TWF2: variants seen among roughly 807,000 people sequenced by gnomAD.
TWF2 encodes twinfilin actin binding protein 2.
In TWF2, 15 loss-of-function variants were observed where a neutral mutation model predicts 45.1. That is an observed-to-expected ratio of 0.33 (90% confidence interval 0.22 to 0.51). TWF2 has a LOEUF of 0.51. Ranked by LOEUF, TWF2 falls within the 20% of genes least tolerant of loss-of-function variation. TWF2 has a pLI of 0.97. For missense variants in TWF2, 423 were observed against 469.1 expected (o/e 0.90, Z 0.91); for synonymous variants, 177 against 195.8 (o/e 0.90, Z 0.80).
Position 52,229,628 on chromosome 3 carries a change from C to T in TWF2, c.882+33G>A, listed in dbSNP as rs577552085. 1.9e-6 allele frequency: 3 copies of T among 1,610,838 alleles called. No homozygotes were observed. In the African/African-American group the frequency reaches 4.0e-5, roughly 21 times the overall value. The stretch of plus-strand genomic sequence containing the variant: ...CACATGGAGATTGGAGTGATAGGGC[C>T]TGGGGAGGTGAGGCCCTGGGGAGGG... On this transcript the variant is annotated intron_variant, in intron 8 of 8. Coordinates refer to ENST00000305533, the MANE Select transcript of TWF2 (RefSeq NM_007284.4).
intron 6 of TWF2, among the ~76,000 whole-genome samples, chr3:52,230,460 CG>C (rs1699667570): frequency 6.6e-6 from 1 of 152,176 alleles, no homozygotes; most frequent in Admixed American, 6.5e-5. Context: ...AAGCGGCAGC[CG>C]GAACAGCCAG....
chr3:52,230,461 G>C (rs1360843814), intron 6 of TWF2, among the ~76,000 whole-genome samples: 1 of 152,202 alleles, frequency 6.6e-6, no homozygotes, highest in Non-Finnish European at 1.5e-5. Flanking sequence ...AGCGGCAGCC[G>C]GAACAGCCAG....
intron 1 of TWF2, among the ~76,000 whole-genome samples, chr3:52,236,305 A>G (rs963472672): frequency 1.7e-4 from 25 of 148,072 alleles, no homozygotes; most frequent in African/African-American, 6.0e-4. Flanking sequence ...CCGCCTCAGA[A>G]AAAAAAAAAA....
chr3:52,235,112 A>G lies in TWF2; in HGVS notation c.26-6T>C, dbSNP rs1699713449. Reference sequence around the variant, plus strand: ...TTCCTTCAGCTCTTCCGTGGCTATAAGAACAAGAAACATGGTGGGGGATGA... The same window carrying G: ...TTCCTTCAGCTCTTCCGTGGCTATAGGAACAAGAAACATGGTGGGGGATGA... On this transcript the variant is annotated splice_region_variant and splice_polypyrimidine_tract_variant and intron_variant, in intron 1 of 8. Transcript: ENST00000305533. 6.2e-7 allele frequency: 1 copy of G among 1,613,858 alleles called. No homozygotes were observed. Among genetic ancestry groups the G allele is most frequent in the Non-Finnish European group, 8.5e-7 (1 of 1,180,020 alleles).
intron 1 of TWF2, among the ~76,000 whole-genome samples, chr3:52,235,540 T>TCA (rs149768402): frequency 0.032 from 4,748 of 147,334 alleles, 163 homozygotes; most frequent in African/African-American, 0.087. Flanking sequence ...CTATGCCCAT[T>TCA]CACACACACA....
Position 52,231,163 on chromosome 3 carries a change from C to T in TWF2, c.447G>A (p.Ser149=), listed in dbSNP as rs572314842. The T allele has an allele frequency of 1.4e-5, 22 of 1,613,932 alleles. No homozygotes were observed. In the South Asian group the frequency reaches 1.9e-4, roughly 14 times the overall value. Residue 149 remains serine, a synonymous_variant, in exon 5 of 9, where the codon TCG becomes TCA. Coordinates refer to ENST00000305533, the MANE Select transcript of TWF2 (RefSeq NM_007284.4). ...GGATCTGCTGGAGCTCTCTCTCAGC[C>T]GAGGTCAGCGGGGCAGGTGCCGCAC... ...SSCAAPAPLT[S]AERELQQIRI...
intron 2 of TWF2, among the ~76,000 whole-genome samples, chr3:52,233,539 TC>T (rs1699698119): frequency 6.6e-6 from 1 of 152,242 alleles, no homozygotes; most frequent in Non-Finnish European, 1.5e-5. Context: ...TGGCTGCCCA[TC>T]GGGGGCCTGG....
In TWF2 at chr3:52,238,757, A is replaced by G. The variant is rs77079543; in HGVS notation, c.25+235T>C. Among the ~76,000 whole-genome samples, 744 of 152,348 alleles carry G rather than the reference A, an allele frequency of 4.9e-3. 3 individuals are homozygous for G. Among genetic ancestry groups the G allele is most frequent in the Middle Eastern group, 0.01 (3 of 294 alleles). ...CACACAGCCACATTCATCTCCAGGTAGGCACACAGATACTTCCACCCCAGT... is the reference window on the plus strand; with the variant it reads ...CACACAGCCACATTCATCTCCAGGTGGGCACACAGATACTTCCACCCCAGT... On this transcript the variant is annotated intron_variant, in intron 1 of 8. Coordinates refer to ENST00000305533, the MANE Select transcript of TWF2 (RefSeq NM_007284.4).
chr3:52,230,133 C>T, intron 6 of TWF2, 63 bp from the exon 7 acceptor site: 2 of 1,474,836 alleles, frequency 1.4e-6, no homozygotes, highest in Non-Finnish European at 1.8e-6. Context: ...CCCCTCTCCC[C>T]AGGAAGCCCT....
intron 2 of TWF2, among the ~76,000 whole-genome samples, chr3:52,233,315 C>T (rs1032122679): frequency 2.0e-5 from 3 of 152,256 alleles, no homozygotes; most frequent in Non-Finnish European, 4.4e-5. Flanking sequence ...TCGGCCTCCT[C>T]ACCTGCCCAC....
At chr3:52,234,033 G>T (rs1178259514) in intron 2 of TWF2, among the ~76,000 whole-genome samples, 1 of 151,882 alleles carries the variant, frequency 6.6e-6, no homozygotes, top group Non-Finnish European at 1.5e-5. Context: ...GCTGTGGCCT[G>T]CCACTCCAGG....
rs1699679886 is a variant in TWF2 at position 52,231,660 on chromosome 3, G to C, written c.283-121C>G. 3.4e-6 allele frequency: 4 copies of C among 1,186,082 alleles called. No homozygotes were observed. In the East Asian group the frequency reaches 9.8e-5, roughly 29 times the overall value. 73.5% of individuals were successfully genotyped at this position (1,186,082 alleles called of 1,614,324 possible). A position where few individuals can be genotyped will look rare whatever the true frequency, so the allele number is the denominator to read the frequency against. ...CGCTGGCACACCTGGCAGAGGGCCAGCCCGGGGCCAGGACGCAGCAGGTGG... is the reference window on the plus strand; with the variant it reads ...CGCTGGCACACCTGGCAGAGGGCCACCCCGGGGCCAGGACGCAGCAGGTGG... On this transcript the variant is annotated intron_variant, in intron 3 of 8. Transcript: ENST00000305533.
intron 3 of TWF2, among the ~76,000 whole-genome samples, 190 bp downstream of exon 3, chr3:52,231,754 A>G (rs1053016963): frequency 6.6e-6 from 1 of 152,168 alleles, no homozygotes; most frequent in Non-Finnish European, 1.5e-5. Flanking sequence ...ATGCCTGGAG[A>G]GCAAGAGGTA....
intron 8 of TWF2, among the ~76,000 whole-genome samples, 181 bp downstream of exon 8, chr3:52,229,480 C>T (rs1299028065): frequency 6.6e-6 from 1 of 152,228 alleles, no homozygotes; most frequent in African/African-American, 2.4e-5. Flanking sequence ...TTGGACTTTT[C>T]TGAGCCACCG....
chr3:52,229,689 T>G lies in TWF2; in HGVS notation c.854A>C (p.Gln285Pro). 1 of 1,613,496 alleles carries G rather than the reference T, an allele frequency of 6.2e-7. No homozygotes were observed. Among genetic ancestry groups the G allele is most frequent in the East Asian group, 2.2e-5 (1 of 44,888 alleles). Residue 285 changes from glutamine to proline, a missense_variant, in exon 8 of 9, where the codon CAG becomes CCG. By Grantham distance (76) the Gln-to-Pro change is moderately conservative. Coordinates refer to ENST00000305533, the MANE Select transcript of TWF2 (RefSeq NM_007284.4). ...CKSRLLDSVE[Q>P]DFHLEIAKKI... Reference sequence around the variant, plus strand: ...CTTGGCGATCTCCAGATGGAAGTCCTGCTCCACGGAGTCGAGGAGGCGGCT... The same window carrying G: ...CTTGGCGATCTCCAGATGGAAGTCCGGCTCCACGGAGTCGAGGAGGCGGCT...
chr3:52,229,748 G>A lies in TWF2; in HGVS notation c.795C>T (p.Ser265=). Reference sequence around the variant, plus strand: ...TGGAGTAGAGCATTCGCTCCTTGATGCTGCACTTGTACCCCGGCATGGAGT... The same window carrying A: ...TGGAGTAGAGCATTCGCTCCTTGATACTGCACTTGTACCCCGGCATGGAGT... ...FIYSMPGYKC[S]IKERMLYSSC... Residue 265 remains serine (S), a synonymous_variant, in exon 8 of 9, where the codon AGC becomes AGT. Coordinates refer to ENST00000305533, the MANE Select transcript of TWF2 (RefSeq NM_007284.4). 6.2e-7 allele frequency: 1 copy of A among 1,613,102 alleles called. No homozygotes were observed. The highest frequency in any genetic ancestry group is 8.5e-7 in the Non-Finnish European group (1 of 1,179,960).
Position 52,229,730 on chromosome 3 carries a change from G to A in TWF2, c.813C>T (p.Leu271=), listed in dbSNP as rs1699660287. 3 of 1,613,308 alleles carry A rather than the reference G, an allele frequency of 1.9e-6. No individual in the cohort carries two copies. Among genetic ancestry groups the A allele is most frequent in the Non-Finnish European group, 2.5e-6 (3 of 1,180,006 alleles). Residue 271 remains leucine, a synonymous_variant, in exon 8 of 9, where the codon CTC becomes CTT. Coordinates refer to ENST00000305533, the MANE Select transcript of TWF2 (RefSeq NM_007284.4). ...GYKCSIKERM[L]YSSCKSRLLD... is the part of the protein sequence containing the mutation. ...GGAGGCGGCTCTTGCAGCTGGAGTA[G>A]AGCATTCGCTCCTTGATGCTGCACT...
chr3:52,232,138 G>A lies in TWF2; in HGVS notation c.104-16C>T, dbSNP rs745820021. On this transcript the variant is annotated splice_polypyrimidine_tract_variant and intron_variant, in intron 2 of 8. Transcript: ENST00000305533. Reference sequence around the variant, plus strand: ...ACGAGCTGCTCTGGGGGCAGAGGCCGGATGAGCAGCCGCTCCCAGCTCCCA... The same window carrying A: ...ACGAGCTGCTCTGGGGGCAGAGGCCAGATGAGCAGCCGCTCCCAGCTCCCA... The A allele has an allele frequency of 2.2e-5, 33 of 1,529,636 alleles. No homozygotes were observed. Among genetic ancestry groups the A allele is most frequent in the Middle Eastern group, 1.8e-4 (1 of 5,482 alleles). The allele number at this position is 1,529,636 out of a possible 1,614,324, so 94.8% of individuals were successfully genotyped here.
intron 7 of TWF2, 30 bp from the exon 8 acceptor site, chr3:52,229,812 G>A (rs1476081439): frequency 6.2e-6 from 10 of 1,603,790 alleles, no homozygotes; most frequent in Admixed American, 3.3e-5. Flanking sequence ...GAGCCTGGGA[G>A]GCCTGAGAAA....
Sources: gnomAD v4.1 joint callset for allele counts (sites outside exome capture counted in the v4.1 genomes callset) on GRCh38, gnomAD v4.1.1 for gene constraint, MANE v1.5 for transcripts, NCBI Gene and HGNC (gene_info 2026-07-23, HGNC 2026-07-21) for gene names.